Variants in TBC1D19 observed in about 807,000 individuals in gnomAD.
TBC1D19 encodes TBC1 domain family member 19.
In TBC1D19, 60 loss-of-function variants were observed where a neutral mutation model predicts 89.0. That is an observed-to-expected ratio of 0.67 (90% CI 0.55 to 0.84). The LOEUF is 0.84. Among genes scored for constraint, TBC1D19 ranks in the 40% least tolerant of loss-of-function variants. The probability of loss-of-function intolerance (pLI) is 0.00; values close to 1 mark genes in which losing one functional copy is unlikely to be tolerated. For missense variants in TBC1D19, 500 were observed against 610.8 expected, an observed-to-expected ratio of 0.82 and a Z score of 1.91; for synonymous variants, 189 against 199.7, an observed-to-expected ratio of 0.95 and a Z score of 0.45.
chr4:26,632,309 G>A (rs1011036540), intron 4 of TBC1D19, among the ~76,000 whole-genome samples: 2 of 151,656 alleles, frequency 1.3e-5, no homozygotes, highest in Non-Finnish European at 2.9e-5. Flanking sequence ...ATAGCCTACT[G>A]TTGACCAGAA....
chr4:26,749,786 T>C (rs1177965146), intron 19 of TBC1D19, among the ~76,000 whole-genome samples: 2 of 152,082 alleles, frequency 1.3e-5, no homozygotes, highest in Non-Finnish European at 2.9e-5. Flanking sequence ...ATAGTTATAG[T>C]TACTGGGTAG....
At chr4:26,811,517 T>C in the TBC1D19 span, among the ~76,000 whole-genome samples, 1 of 152,164 alleles carries the variant, frequency 6.6e-6, no homozygotes, top group African/African-American at 2.4e-5. Context: ...GAGATAGTGT[T>C]ACCAGAAATC....
intron 4 of TBC1D19, among the ~76,000 whole-genome samples, chr4:26,623,909 T>G (rs1358084357): frequency 1.3e-5 from 2 of 152,170 alleles, no homozygotes; most frequent in African/African-American, 4.8e-5. Context: ...CCCAATCTCC[T>G]TATGTACTCT....
intron 7 of TBC1D19, among the ~76,000 whole-genome samples, chr4:26,649,788 T>C (rs1744214920): frequency 6.6e-6 from 1 of 152,122 alleles, no homozygotes; most frequent in African/African-American, 2.4e-5. Context: ...TGTATACATG[T>C]GCCATGTAGG....
chr4:26,794,649 A>G, the TBC1D19 span, among the ~76,000 whole-genome samples: 1 of 152,218 alleles, frequency 6.6e-6, no homozygotes, highest in Admixed American at 6.5e-5. Flanking sequence ...TAAAACTAAC[A>G]TTGAAACAGA....
the TBC1D19 span, among the ~76,000 whole-genome samples, chr4:26,762,876 A>G: frequency 1.3e-5 from 2 of 152,140 alleles, no homozygotes; most frequent in African/African-American, 4.8e-5. Context: ...CTGGAAGGAA[A>G]TGGAGTCTCC....
At chr4:26,623,713 T>C (rs199928844) in intron 4 of TBC1D19, among the ~76,000 whole-genome samples, 1 of 152,140 alleles carries the variant, frequency 6.6e-6, no homozygotes, top group East Asian at 1.9e-4. Context: ...TATTATTTCT[T>C]CCCATAGTCT....
At chr4:26,807,619 C>T in the TBC1D19 span, among the ~76,000 whole-genome samples, 11 of 152,190 alleles carry the variant, frequency 7.2e-5, no homozygotes, top group African/African-American at 2.4e-4. Context: ...ACTTGCTTGG[C>T]GAGTTCATCT....
chr4:26,595,010 C>T lies in TBC1D19; in HGVS notation c.99+10718C>T, dbSNP rs115535736. Among the ~76,000 whole-genome samples, 303 of 152,344 alleles carry T rather than the reference C, an allele frequency of 2.0e-3. 3 individuals carry two copies. Among genetic ancestry groups the T allele is most frequent in the Non-Finnish European group, 2.2e-3 (152 of 68,026 alleles). On this transcript the variant is annotated intron_variant, in intron 1 of 20. Coordinates refer to ENST00000264866, the MANE Select transcript of TBC1D19 (RefSeq NM_018317.4). Reference sequence around the variant, plus strand: ...TAAGAGAGTGGTTAACCATCAGAAACTGACAACCTGTCTTCCAATGAGGCT... The same window carrying T: ...TAAGAGAGTGGTTAACCATCAGAAATTGACAACCTGTCTTCCAATGAGGCT...
intron 19 of TBC1D19, 28 bp from the exon 20 acceptor site, chr4:26,753,792 A>C (rs757660554): frequency 1.9e-6 from 3 of 1,613,602 alleles, no homozygotes; most frequent in Non-Finnish European, 1.7e-6. Flanking sequence ...GTAGGCCAGC[A>C]GTTGAAGTAG....
At chr4:26,662,919 G>T (rs1745304312) in intron 8 of TBC1D19, 3 of 152,110 alleles carry the variant, frequency 2.0e-5, no homozygotes, top group African/African-American at 7.2e-5. Flanking sequence ...CAAAACATGG[G>T]ACCCAGAAAA....
Position 26,754,069 on chromosome 4 carries a change from A to G in TBC1D19, c.1506+179A>G, listed in dbSNP as rs561698487. On this transcript the variant is annotated intron_variant, in intron 20 of 20. Coordinates refer to ENST00000264866, the MANE Select transcript of TBC1D19 (RefSeq NM_018317.4). The stretch of plus-strand genomic sequence containing the variant: ...GGATTCAAATTTCTTTAATTACTTG[A>G]GAAAAGTCTTCTTATGAAGGAGTAA... 8.7e-6 allele frequency: 5 copies of G among 575,978 alleles called. No homozygotes were observed. In the East Asian group the frequency reaches 1.4e-4, roughly 16 times the overall value. The allele number at this position is 575,978 out of a possible 1,614,324, so 35.7% of individuals were successfully genotyped here. A position where few individuals can be genotyped will look rare whatever the true frequency, so the allele number is the denominator to read the frequency against.
At chr4:26,735,010 A>ATATGTATATATGTATACACATATGTG (rs1560503954) in intron 15 of TBC1D19, among the ~76,000 whole-genome samples, 1 of 151,206 alleles carries the variant, frequency 6.6e-6, no homozygotes, top group Admixed American at 6.6e-5. Context: ...ACACATATGT[A>ATATGTATATATGTATACACATATGTG]TATGTGTATA....
At chr4:26,728,973 T>G (rs748002671) in intron 15 of TBC1D19, among the ~76,000 whole-genome samples, 4 of 152,196 alleles carry the variant, frequency 2.6e-5, no homozygotes, top group Admixed American at 6.5e-5. Flanking sequence ...CGAAATCGCG[T>G]CACTGCACTT....
rs951581011 is a variant in TBC1D19, at chr4:26,649,160, A to G, written c.480+8973A>G. Among the ~76,000 whole-genome samples, 9 of 152,066 alleles carry G rather than the reference A, an allele frequency of 5.9e-5. No homozygotes were observed. The East Asian group carries it at 1.7e-3, about 29-fold the overall frequency. ...GTAGATTCTTTGCTAATTTTTTTTA[A>G]ACAAATACTATTTATATTTATAGTG... On this transcript the variant is annotated intron_variant, in intron 7 of 20. Coordinates refer to ENST00000264866, the MANE Select transcript of TBC1D19 (RefSeq NM_018317.4).
the TBC1D19 span, among the ~76,000 whole-genome samples, chr4:26,800,752 G>A: frequency 6.6e-6 from 1 of 152,256 alleles, no homozygotes; most frequent in South Asian, 2.1e-4. Flanking sequence ...TTCTCTGTTT[G>A]CCAGTGATGA....
chr4:26,755,097 C>A lies in TBC1D19; in HGVS notation c.*150C>A. On this transcript the variant is annotated 3_prime_UTR_variant, in exon 21 of 21. Transcript: ENST00000264866. ...TCAGTTAAACCTAAGTAGTTTCTCACTTTTTGAAACAATAACTCTGCACCA... is the reference window on the plus strand; with the variant it reads ...TCAGTTAAACCTAAGTAGTTTCTCAATTTTTGAAACAATAACTCTGCACCA... 1 of 551,004 alleles carries A rather than the reference C, an allele frequency of 1.8e-6. No individual in the cohort carries two copies. Among genetic ancestry groups the A allele is most frequent in the South Asian group, 3.3e-5 (1 of 30,402 alleles). 34.1% of individuals were successfully genotyped at this position (551,004 alleles called of 1,614,324 possible). A position where few individuals can be genotyped will look rare whatever the true frequency, so the allele number is the denominator to read the frequency against.
At chr4:26,671,859 CTG>C (rs1370514381) in intron 9 of TBC1D19, among the ~76,000 whole-genome samples, 1 of 151,588 alleles carries the variant, frequency 6.6e-6, no homozygotes, top group Non-Finnish European at 1.5e-5. Flanking sequence ...ATGCTCATAA[CTG>C]TTTTAATTTT....
the TBC1D19 span, among the ~76,000 whole-genome samples, chr4:26,842,103 C>G: frequency 6.6e-6 from 1 of 151,984 alleles, no homozygotes; most frequent in Non-Finnish European, 1.5e-5. Context: ...CAAAGGCCAC[C>G]AAATTTTTAT....
Sources: allele counts gnomAD v4.1 joint callset (sites outside exome capture counted in the v4.1 genomes callset), GRCh38; gene constraint gnomAD v4.1.1; transcripts MANE v1.5; gene names NCBI Gene and HGNC (gene_info 2026-07-23, HGNC 2026-07-21).